ATP9A: variants seen among roughly 807,000 people sequenced by gnomAD.
The protein encoded by ATP9A is probable phospholipid-transporting ATPase IIA.
Under a neutral mutation model 144.1 loss-of-function variants are expected in ATP9A, and 52 were observed. The observed-to-expected ratio is 0.36, with a 90% CI of 0.29 to 0.45. The LOEUF is 0.45. ATP9A is among the 20% of genes least tolerant of loss of function. The pLI is 1.00. For synonymous variants in ATP9A, 582 were observed against 557.4 expected, an observed-to-expected ratio of 1.04 and a Z score of -0.62; for missense variants, 947 against 1,392.7, an observed-to-expected ratio of 0.68 and a Z score of 5.09.
At chr20:51,702,515 G>A (rs2077598516) in intron 4 of ATP9A, among the ~76,000 whole-genome samples, 1 of 151,946 alleles carries the variant, frequency 6.6e-6, no homozygotes. Context: ...TATTTACTGG[G>A]AGTTTTCCAC....
At chr20:51,748,500 TGGCAACTGA>T (rs1452659488) in intron 1 of ATP9A, among the ~76,000 whole-genome samples, 1 of 152,246 alleles carries the variant, frequency 6.6e-6, no homozygotes, top group Non-Finnish European at 1.5e-5. Context: ...TATAAAATGT[TGGCAACTGA>T]TTCAATTTTT....
chr20:51,648,854 A>T (rs549244089), intron 14 of ATP9A, among the ~76,000 whole-genome samples: 168 of 152,282 alleles, frequency 1.1e-3, no homozygotes, highest in Non-Finnish European at 2.1e-3. Context: ...AAAACACATT[A>T]AAAAAGAAAG....
rs73135619 is a variant in ATP9A at position 51,702,888 on chromosome 20, C to T, written c.437-5406G>A. Reference sequence around the variant, plus strand: ...CACATTGATAGCAATTATTACCAATCTCAAAAAAGGGCAGGAACTCTCCCT... The same window carrying T: ...CACATTGATAGCAATTATTACCAATTTCAAAAAAGGGCAGGAACTCTCCCT... On this transcript the variant is annotated intron_variant, in intron 4 of 27. Coordinates refer to ENST00000338821, the MANE Select transcript of ATP9A (RefSeq NM_006045.3). Among the ~76,000 whole-genome samples the T allele has an allele frequency of 2.9e-3, 449 of 152,264 alleles. 2 individuals are homozygous for T. The highest frequency in any genetic ancestry group is 0.017 in the Middle Eastern group (5 of 294).
At chr20:51,613,606 G>A in intron 23 of ATP9A, 71 bp downstream of exon 23, 2 of 1,454,266 alleles carry the variant, frequency 1.4e-6, no homozygotes, top group Non-Finnish European at 1.9e-6. Context: ...ATGTGCAGAG[G>A]GAGCAGCTGC....
chr20:51,616,820 A>G (rs532847877), intron 22 of ATP9A, among the ~76,000 whole-genome samples: 3 of 151,846 alleles, frequency 2.0e-5, no homozygotes, highest in Non-Finnish European at 4.4e-5. Context: ...ACTAAGCCAC[A>G]CTCTTCCATA....
chr20:51,690,602 T>C, intron 8 of ATP9A, 137 bp downstream of exon 8: 2 of 736,694 alleles, frequency 2.7e-6, no homozygotes, highest in Non-Finnish European at 4.7e-6. Flanking sequence ...ACGCTGGCTT[T>C]CAAGGCGGTG....
intron 27 of ATP9A, among the ~76,000 whole-genome samples, chr20:51,604,358 C>T (rs957790026): frequency 2.6e-5 from 4 of 152,126 alleles, no homozygotes; most frequent in Admixed American, 1.3e-4. Flanking sequence ...ATTCTGAGAT[C>T]CCTGGAGTCC....
chr20:51,623,219 G>A (rs1055652409), intron 18 of ATP9A, among the ~76,000 whole-genome samples: 11 of 152,264 alleles, frequency 7.2e-5, no homozygotes, highest in Middle Eastern at 3.4e-3. Flanking sequence ...GGTGAGCTTC[G>A]TTTAGTCATA....
At chr20:51,674,344 G>C in intron 10 of ATP9A, 31 bp from the exon 11 acceptor site, 1 of 1,609,086 alleles carries the variant, frequency 6.2e-7, no homozygotes, top group South Asian at 1.1e-5. Flanking sequence ...CAGGGCTTGA[G>C]ATGAGCTGGT....
At chr20:51,709,351 C>A (rs2077627788) in intron 4 of ATP9A, among the ~76,000 whole-genome samples, 1 of 152,022 alleles carries the variant, frequency 6.6e-6, no homozygotes, top group Non-Finnish European at 1.5e-5. Flanking sequence ...CCCGTCTCTA[C>A]TAAAAATACA....
At chr20:51,622,365 CTGGT>C (rs1221007866) in intron 18 of ATP9A, among the ~76,000 whole-genome samples, 193 bp from the exon 19 acceptor site, 3 of 152,336 alleles carry the variant, frequency 2.0e-5, no homozygotes, top group African/African-American at 7.2e-5. Flanking sequence ...GCAACCACTG[CTGGT>C]AGCAGCAAAA....
At chr20:51,690,185 C>T (rs2077541495) in intron 8 of ATP9A, among the ~76,000 whole-genome samples, 1 of 146,586 alleles carries the variant, frequency 6.8e-6, no homozygotes, top group African/African-American at 2.5e-5. Flanking sequence ...CTTTGGGAGG[C>T]CAAGGCGGGC....
chr20:51,670,779 C>G (rs1472708671), intron 12 of ATP9A, among the ~76,000 whole-genome samples: 1 of 152,166 alleles, frequency 6.6e-6, no homozygotes, highest in African/African-American at 2.4e-5. Flanking sequence ...TGAGTTAAAG[C>G]TTGCTTCGGC....
chr20:51,697,454 G>T lies in ATP9A; in HGVS notation c.465C>A (p.Ile155=), dbSNP rs139983147. 4.1e-3 allele frequency: 6,597 copies of T among 1,613,522 alleles called. 22 individuals are homozygous for T. The highest frequency in any genetic ancestry group is 4.5e-3 in the Non-Finnish European group (5,341 of 1,179,798). ...CAACGATGATAAGGTCTCCAACTTG[G>T]ATGTTAGAACTCTTCACCTTCACTG... is the stretch of plus-strand genomic sequence containing the variant. The part of the protein sequence containing the change: ...RGTVKVKSSN[I]QVGDLIIVEK... Residue 155 remains isoleucine, a synonymous_variant, in exon 5 of 28, where the codon ATC becomes ATA. Coordinates refer to ENST00000338821, the MANE Select transcript of ATP9A (RefSeq NM_006045.3).
chr20:51,741,470 AG>A lies in ATP9A; in HGVS notation c.69-11493del, dbSNP rs367772993. On this transcript the variant is annotated intron_variant, in intron 1 of 27. Coordinates refer to ENST00000338821, the MANE Select transcript of ATP9A (RefSeq NM_006045.3). ...CGCATGCCTGTAATCTCAGCTACTC[AG>A]GGGGCTGACACAGGACAATCGCTTG... Among the ~76,000 whole-genome samples the A allele has an allele frequency of 3.3e-3, 496 of 152,226 alleles. 1 individual carries two copies. The highest frequency in any genetic ancestry group is 0.011 in the African/African-American group (452 of 41,552).
At chr20:51,715,545 T>C (rs919301785) in intron 3 of ATP9A, among the ~76,000 whole-genome samples, 2 of 152,208 alleles carry the variant, frequency 1.3e-5, no homozygotes, top group Admixed American at 6.5e-5. Flanking sequence ...TCATGGAAAG[T>C]GTGTGCTCAT....
At chr20:51,659,486 A>C (rs1240196154) in intron 13 of ATP9A, among the ~76,000 whole-genome samples, 1 of 152,220 alleles carries the variant, frequency 6.6e-6, no homozygotes, top group African/African-American at 2.4e-5. Context: ...TTCAAGAAGT[A>C]ACAACTATGA....
At chr20:51,660,006 G>T (rs914520893) in intron 13 of ATP9A, among the ~76,000 whole-genome samples, 2 of 152,124 alleles carry the variant, frequency 1.3e-5, no homozygotes, top group African/African-American at 4.8e-5. Flanking sequence ...TAATTATAAA[G>T]AATTTAACTC....
intron 4 of ATP9A, among the ~76,000 whole-genome samples, chr20:51,709,370 C>A (rs561020589): frequency 2.1e-4 from 32 of 152,194 alleles, no homozygotes; most frequent in African/African-American, 6.7e-4. Context: ...CAAAAATTAG[C>A]AGGGCATGGT....
Sources: allele counts gnomAD v4.1 joint callset (sites outside exome capture counted in the v4.1 genomes callset), GRCh38; gene constraint gnomAD v4.1.1; transcripts MANE v1.5; gene names NCBI Gene and HGNC (gene_info 2026-07-23, HGNC 2026-07-21).